PDGFC: variants seen among roughly 807,000 people sequenced by gnomAD.
The protein encoded by PDGFC is platelet derived growth factor C.
A neutral mutation model predicts 35.5 loss-of-function variants in PDGFC; 12 were observed. The ratio of observed to expected loss-of-function variants is 0.34; its 90% CI spans 0.22 to 0.55. PDGFC has a LOEUF of 0.55. Ranked by LOEUF, PDGFC falls within the 20% of genes least tolerant of loss-of-function variation. The probability of loss-of-function intolerance (pLI) is 0.91; values close to 1 mark genes in which losing one functional copy is unlikely to be tolerated. For missense variants in PDGFC, 322 were observed against 412.4 expected (o/e 0.78, Z 1.90); for synonymous variants, 159 against 148.8 (o/e 1.07, Z -0.50).
intron 1 of PDGFC, among the ~76,000 whole-genome samples, chr4:156,925,060 A>C (rs1381405073): frequency 6.6e-6 from 1 of 152,160 alleles, no homozygotes; most frequent in African/African-American, 2.4e-5. Context: ...GAATAATCAG[A>C]GATAAAAGAT....
At chr4:156,934,131 G>C (rs1360739842) in intron 1 of PDGFC, among the ~76,000 whole-genome samples, 2 of 152,126 alleles carry the variant, frequency 1.3e-5, no homozygotes, top group African/African-American at 2.4e-5. Flanking sequence ...TAACAACTGG[G>C]ATATATTCTG....
intron 1 of PDGFC, among the ~76,000 whole-genome samples, chr4:156,900,159 T>C (rs1243753015): frequency 6.6e-6 from 1 of 152,202 alleles, no homozygotes; most frequent in African/African-American, 2.4e-5. Flanking sequence ...CCAATCTTGA[T>C]CAACTAAATA....
At chr4:156,918,463 C>T (rs1006738334) in intron 1 of PDGFC, among the ~76,000 whole-genome samples, 2 of 152,230 alleles carry the variant, frequency 1.3e-5, no homozygotes, top group African/African-American at 4.8e-5. Context: ...GGTCCAACCA[C>T]TGGCTGCAGA....
intron 2 of PDGFC, among the ~76,000 whole-genome samples, chr4:156,820,985 A>T (rs1314003376): frequency 6.6e-6 from 1 of 152,166 alleles, no homozygotes; most frequent in Non-Finnish European, 1.5e-5. Flanking sequence ...ATAAGATAAA[A>T]AGTTGTAATA....
intron 1 of PDGFC, among the ~76,000 whole-genome samples, chr4:156,935,218 G>T (rs542740232): frequency 6.6e-6 from 1 of 152,020 alleles, no homozygotes; most frequent in African/African-American, 2.4e-5. Flanking sequence ...GGATGGTCTC[G>T]ATCTCTTGAC....
chr4:156,964,890 G>A (rs1732429062), intron 1 of PDGFC, among the ~76,000 whole-genome samples: 1 of 152,116 alleles, frequency 6.6e-6, no homozygotes, highest in South Asian at 2.1e-4. Context: ...TTGAGCCACA[G>A]GTAAAATATA....
At chr4:156,913,404 G>T (rs1392025356) in intron 1 of PDGFC, among the ~76,000 whole-genome samples, 1 of 152,000 alleles carries the variant, frequency 6.6e-6, no homozygotes, top group Non-Finnish European at 1.5e-5. Flanking sequence ...AGGCCAAACT[G>T]CAATGACTAC....
At chr4:156,961,757 T>C (rs1732348472) in intron 1 of PDGFC, among the ~76,000 whole-genome samples, 1 of 152,134 alleles carries the variant, frequency 6.6e-6, no homozygotes, top group Non-Finnish European at 1.5e-5. Flanking sequence ...TAATTCAGTG[T>C]CCTGGAAGCT....
chr4:156,835,030 A>C (rs1729029884), intron 2 of PDGFC, among the ~76,000 whole-genome samples: 1 of 152,146 alleles, frequency 6.6e-6, no homozygotes, highest in African/African-American at 2.4e-5. Flanking sequence ...AATATGAAAG[A>C]ATGGGACTAG....
In PDGFC at chr4:156,760,891, T is replaced by C. The variant is rs1333607044; in HGVS notation, c.*2199A>G. The C allele has an allele frequency of 6.6e-6, 1 of 152,104 alleles. No homozygotes were observed. Among genetic ancestry groups the C allele is most frequent in the African/African-American group, 2.4e-5 (1 of 41,402 alleles). 9.4% of individuals were successfully genotyped at this position (152,104 alleles called of 1,614,324 possible). On this transcript the variant is annotated 3_prime_UTR_variant, in exon 6 of 6. Coordinates refer to ENST00000502773, the MANE Select transcript of PDGFC (RefSeq NM_016205.3). ...GACTTAGTAGTCTTTACTATACTAA[T>C]GAAAGTTGTAAACTGCCAACTACTT... is the stretch of plus-strand genomic sequence containing the variant.
intron 1 of PDGFC, among the ~76,000 whole-genome samples, chr4:156,887,789 C>G (rs767102263): frequency 1.3e-5 from 2 of 151,526 alleles, no homozygotes; most frequent in Non-Finnish European, 2.9e-5. Flanking sequence ...TGAGGTGGGC[C>G]GAACACTTGA....
intron 1 of PDGFC, among the ~76,000 whole-genome samples, chr4:156,914,111 T>C (rs1019248418): frequency 6.6e-6 from 1 of 151,918 alleles, no homozygotes; most frequent in Non-Finnish European, 1.5e-5. Context: ...TCCAAACATG[T>C]TTTCCTCTGC....
At chr4:156,835,785 G>A (rs1302496614) in intron 2 of PDGFC, 3 of 152,210 alleles carry the variant, frequency 2.0e-5, no homozygotes, top group Non-Finnish European at 2.9e-5. Flanking sequence ...ACTCCCTCAT[G>A]TAAATATGCT....
In PDGFC at chr4:156,788,530, C is replaced by T. The variant is rs897031249; in HGVS notation, c.496-15637G>A. On this transcript the variant is annotated intron_variant, in intron 3 of 5. Transcript: ENST00000502773. ...GGCTGTCTTCACAATGAATTCAATG[C>T]TGCTTCTTATTCAATGTGGAAAACT... is the stretch of plus-strand genomic sequence containing the variant. Among the ~76,000 whole-genome samples, 69 of 152,180 alleles carry T rather than the reference C, an allele frequency of 4.5e-4. 2 individuals are homozygous for T. Among genetic ancestry groups the T allele is most frequent in the Admixed American group, 4.5e-3 (69 of 15,272 alleles).
At chr4:156,777,662 ACTGTTTAAGT>A (rs1383629911) in intron 3 of PDGFC, among the ~76,000 whole-genome samples, 1 of 152,186 alleles carries the variant, frequency 6.6e-6, no homozygotes, top group Admixed American at 6.6e-5. Context: ...TTAAGGCACC[ACTGTTTAAGT>A]CTGTGGTATT....
intron 3 of PDGFC, among the ~76,000 whole-genome samples, chr4:156,803,551 A>T (rs765233323): frequency 1.3e-5 from 2 of 152,156 alleles, no homozygotes; most frequent in Non-Finnish European, 2.9e-5. Flanking sequence ...GTAGATATAA[A>T]AGCATGTTAA....
At chr4:156,773,306 G>C (rs1198641628) in intron 3 of PDGFC, among the ~76,000 whole-genome samples, 1 of 152,000 alleles carries the variant, frequency 6.6e-6, no homozygotes, top group Non-Finnish European at 1.5e-5. Flanking sequence ...ATTAAAAATG[G>C]AATAAGAAAT....
rs143110837 is a variant in PDGFC at position 156,851,981 on chromosome 4, A to C, written c.119-1565T>G. On this transcript the variant is annotated intron_variant, in intron 1 of 5. Coordinates refer to ENST00000502773, the MANE Select transcript of PDGFC (RefSeq NM_016205.3). Reference sequence around the variant, plus strand: ...AATCCGTGTAAGGATGCTAACTTCCAATGAGAAAAACAACAACAACAGCAA... The same window carrying C: ...AATCCGTGTAAGGATGCTAACTTCCCATGAGAAAAACAACAACAACAGCAA... 3.0e-3 allele frequency among the ~76,000 whole-genome samples: 457 copies of C among 149,890 alleles called. 4 individuals carry two copies. Among genetic ancestry groups the C allele is most frequent in the African/African-American group, 0.011 (443 of 40,650 alleles).
Position 156,779,178 on chromosome 4 carries a change from T to A in PDGFC, c.496-6285A>T, listed in dbSNP as rs1476916887. On this transcript the variant is annotated intron_variant, in intron 3 of 5. Coordinates refer to ENST00000502773, the MANE Select transcript of PDGFC (RefSeq NM_016205.3). ...GAGGTTCTGTAAAGACACAAGAATGTCCTGAAACAATTCATTTAAACACGC... is the reference window on the plus strand; with the variant it reads ...GAGGTTCTGTAAAGACACAAGAATGACCTGAAACAATTCATTTAAACACGC... 2.9e-5 allele frequency: 13 copies of A among 456,062 alleles called. No homozygotes were observed. The Admixed American group carries it at 3.1e-4, about 11-fold the overall frequency. The allele number at this position is 456,062 out of a possible 1,614,324, so 28.3% of individuals were successfully genotyped here. A position where few individuals can be genotyped will look rare whatever the true frequency, so the allele number is the denominator to read the frequency against.
Sources: allele counts gnomAD v4.1 joint callset (sites outside exome capture counted in the v4.1 genomes callset), GRCh38; gene constraint gnomAD v4.1.1; transcripts MANE v1.5; gene names NCBI Gene and HGNC (gene_info 2026-07-23, HGNC 2026-07-21).